The following STAT4 variants were observed in gnomAD, a reference collection of about 807,000 sequenced individuals.
STAT4 encodes the protein signal transducer and activator of transcription 4.
Under a neutral mutation model 110.5 loss-of-function variants are expected in STAT4, and 42 were observed. The observed-to-expected ratio is 0.38, with a 90% CI of 0.30 to 0.49. The LOEUF (loss-of-function observed/expected upper bound fraction) is 0.49. Ranked by LOEUF, STAT4 falls within the 20% of genes least tolerant of loss-of-function variation. STAT4 has a pLI of 0.95. For synonymous variants in STAT4, 284 were observed against 302.2 expected (o/e 0.94, Z 0.63); for missense variants, 632 against 887.9 (o/e 0.71, Z 3.66).
rs1356259133 is a variant in STAT4 at position 191,062,656 on chromosome 2, C to T, written c.941+106G>A. 22 of 1,239,986 alleles carry T rather than the reference C, an allele frequency of 1.8e-5. 1 individual carries two copies. The highest frequency in any genetic ancestry group is 2.0e-4 in the Middle Eastern group (1 of 5,092). The allele number at this position is 1,239,986 out of a possible 1,614,324, so 76.8% of individuals were successfully genotyped here. On this transcript the variant is annotated intron_variant, in intron 9 of 23. Coordinates refer to ENST00000392320, the MANE Select transcript of STAT4 (RefSeq NM_003151.4). This position sits in a 1 kb window ranked among gnomAD's most constrained non-coding sequence, Gnocchi z 4.9. ...GTTCTATTCACTTCTCCCTGAGGCT[C>T]GTTGTTGAATACTTCCCTGCCACTC...
In STAT4 at chr2:191,062,877, A is replaced by G. The variant is rs1331799170; in HGVS notation, c.826T>C (p.Leu276=). The G allele has an allele frequency of 1.2e-6, 2 of 1,613,938 alleles. No individual in the cohort carries two copies. The highest frequency in any genetic ancestry group is 2.2e-5 in the South Asian group (2 of 91,084). Residue 276 remains leucine, a synonymous_variant, in exon 9 of 24, where the codon TTG becomes CTG. Coordinates refer to ENST00000392320, the MANE Select transcript of STAT4 (RefSeq NM_003151.4). The surrounding 1 kb of genome is among the most constrained non-coding windows in gnomAD (Gnocchi z 4.9). ...GTAGATTGCTCCTCTAGTTTCTCCA[A>G]TTGCCTTCTCAGTTGGAAAAGACTT... ...AESLFQLRRQ[L]EKLEEQSTKM... is the part of the protein sequence containing the mutation.
At position 191,061,697 on chromosome 2, in the gene STAT4, C is replaced by T; in HGVS notation, c.1034+32G>A. On this transcript the variant is annotated intron_variant, in intron 10 of 23. Coordinates refer to ENST00000392320, the MANE Select transcript of STAT4 (RefSeq NM_003151.4). The surrounding 1 kb of genome is among the most constrained non-coding windows in gnomAD (Gnocchi z 6.2). ...CATCCAGAGACTATAGCTCCACAAA[C>T]ACACGAAATAGTAGAAAATGTTTTT... The T allele has an allele frequency of 6.3e-7, 1 of 1,593,538 alleles. No homozygotes were observed. Among genetic ancestry groups the T allele is most frequent in the South Asian group, 1.1e-5 (1 of 90,608 alleles).
Position 191,090,645 on chromosome 2 carries a change from C to G in STAT4, c.274-14320G>C, listed in dbSNP as rs1417590631. ...GCGCGATCTCCGCCCACTGCAACCT[C>G]TGCCTCCTGAGTTCATGCCATTCTC... On this transcript the variant is annotated intron_variant, in intron 3 of 23. Coordinates refer to ENST00000392320, the MANE Select transcript of STAT4 (RefSeq NM_003151.4). This position sits in a 1 kb window ranked among gnomAD's most constrained non-coding sequence, Gnocchi z 4.2. 6.6e-6 allele frequency among the ~76,000 whole-genome samples: 1 copy of G among 152,198 alleles called. No individual in the cohort carries two copies. Among genetic ancestry groups the G allele is most frequent in the Non-Finnish European group, 1.5e-5 (1 of 68,030 alleles).
intron 3 of STAT4, among the ~76,000 whole-genome samples, chr2:191,096,135 C>T (rs747326638): frequency 1.3e-5 from 2 of 152,104 alleles, no homozygotes; most frequent in Admixed American, 6.5e-5. Context: ...TAATAGCCTA[C>T]CAACCAAAAA....
At position 191,050,883 on chromosome 2, in the gene STAT4, C is replaced by G. The variant is rs1373160636; in HGVS notation, c.1251+3607G>C. Reference sequence around the variant, plus strand: ...CTCTTCTTGGGTAATCTCAAACAGTCACAGGGTGCTGCAAATCTAGGGAGG... The same window carrying G: ...CTCTTCTTGGGTAATCTCAAACAGTGACAGGGTGCTGCAAATCTAGGGAGG... On this transcript the variant is annotated intron_variant, in intron 14 of 23. Transcript: ENST00000392320. The surrounding 1 kb of genome is among the most constrained non-coding windows in gnomAD (Gnocchi z 4.3). Among the ~76,000 whole-genome samples, 1 of 152,214 alleles carries G rather than the reference C, an allele frequency of 6.6e-6. No homozygotes were observed. Among genetic ancestry groups the G allele is most frequent in the East Asian group, 1.9e-4 (1 of 5,200 alleles).
rs533308175 is a variant in STAT4 at position 191,046,104 on chromosome 2, A to G, written c.1252-4956T>C. Among the ~76,000 whole-genome samples, 40 of 152,324 alleles carry G rather than the reference A, an allele frequency of 2.6e-4. 2 individuals are homozygous for G. Among genetic ancestry groups the G allele is most frequent in the Admixed American group, 2.5e-3 (39 of 15,308 alleles). ...CTGAAGAATCTACAACTTCCACTTC[A>G]TGTTCACTAATGGGGGTGCCTTTCA... On this transcript the variant is annotated intron_variant, in intron 14 of 23. Coordinates refer to ENST00000392320, the MANE Select transcript of STAT4 (RefSeq NM_003151.4). This position sits in a 1 kb window ranked among gnomAD's most constrained non-coding sequence, Gnocchi z 4.6.
In STAT4 at chr2:191,147,876, T is replaced by C. The variant is rs1317579456; in HGVS notation, c.128+200A>G. Among the ~76,000 whole-genome samples the C allele has an allele frequency of 6.6e-6, 1 of 152,176 alleles. No homozygotes were observed. Among genetic ancestry groups the C allele is most frequent in the Non-Finnish European group, 1.5e-5 (1 of 68,008 alleles). ...ACAGAGAAAAGAAGCACTGGAACCATTAACTTTTCATTTACAATGAATGGA... is the reference window on the plus strand; with the variant it reads ...ACAGAGAAAAGAAGCACTGGAACCACTAACTTTTCATTTACAATGAATGGA... On this transcript the variant is annotated intron_variant, in intron 2 of 23. Coordinates refer to ENST00000392320, the MANE Select transcript of STAT4 (RefSeq NM_003151.4). The surrounding 1 kb of genome is among the most constrained non-coding windows in gnomAD (Gnocchi z 4.1).
chr2:191,061,602 TG>T lies in STAT4; in HGVS notation c.1034+126del. 1 of 879,500 alleles carries T rather than the reference TG, an allele frequency of 1.1e-6. No homozygotes were observed. Among genetic ancestry groups the T allele is most frequent in the Non-Finnish European group, 1.9e-6 (1 of 528,406 alleles). 54.5% of individuals were successfully genotyped at this position (879,500 alleles called of 1,614,324 possible). The stretch of plus-strand genomic sequence containing the variant: ...GTGGGTATTTCCCCAAGCTCAGAGC[TG>T]GGCACACAGCAGATGGTTCAATAAA... On this transcript the variant is annotated intron_variant, in intron 10 of 23. Coordinates refer to ENST00000392320, the MANE Select transcript of STAT4 (RefSeq NM_003151.4). This position sits in a 1 kb window ranked among gnomAD's most constrained non-coding sequence, Gnocchi z 6.2.
rs192916123 is a variant in STAT4, at chr2:191,140,781, C to T, written c.273+5832G>A. 1.9e-3 allele frequency among the ~76,000 whole-genome samples: 291 copies of T among 152,218 alleles called. 2 individuals are homozygous for T. The highest frequency in any genetic ancestry group is 3.4e-3 in the Middle Eastern group (1 of 294). On this transcript the variant is annotated intron_variant, in intron 3 of 23. Coordinates refer to ENST00000392320, the MANE Select transcript of STAT4 (RefSeq NM_003151.4). This position sits in a 1 kb window ranked among gnomAD's most constrained non-coding sequence, Gnocchi z 4.4. The stretch of plus-strand genomic sequence containing the variant: ...GAAATCATTATATAAAAAATACACA[C>T]GCACAACCATGTTTATAGCAGTACA...
chr2:191,116,527 TA>T lies in STAT4; in HGVS notation c.273+30085del, dbSNP rs1698577363. ...CAATAAGTTAAAAGGAATAACCTTA[TA>T]GATTTAGAATTTTTTTAAAAGCATA... is the stretch of plus-strand genomic sequence containing the variant. On this transcript the variant is annotated intron_variant, in intron 3 of 23. Transcript: ENST00000392320. The surrounding 1 kb of genome is among the most constrained non-coding windows in gnomAD (Gnocchi z 4.1). Among the ~76,000 whole-genome samples, 1 of 152,154 alleles carries T rather than the reference TA, an allele frequency of 6.6e-6. No homozygotes were observed. Among genetic ancestry groups the T allele is most frequent in the Non-Finnish European group, 1.5e-5 (1 of 68,028 alleles).
Position 191,057,078 on chromosome 2 carries a change from C to T in STAT4, c.1206+940G>A, listed in dbSNP as rs1042217040. The stretch of plus-strand genomic sequence containing the variant: ...GATTAGAGGCGTGAGCCACCGTGCC[C>T]GGCCCCTTCTACGCTACTGAATATC... On this transcript the variant is annotated intron_variant, in intron 13 of 23. Coordinates refer to ENST00000392320, the MANE Select transcript of STAT4 (RefSeq NM_003151.4). Among the ~76,000 whole-genome samples the T allele has an allele frequency of 1.2e-4, 19 of 152,134 alleles. No individual in the cohort carries two copies. In the South Asian group the frequency reaches 3.9e-3, roughly 31 times the overall value.
At position 191,077,229 on chromosome 2, in the gene STAT4, C is replaced by G. The variant is rs893396194; in HGVS notation, c.274-904G>C. 2.6e-5 allele frequency among the ~76,000 whole-genome samples: 4 copies of G among 152,168 alleles called. No individual in the cohort carries two copies. The highest frequency in any genetic ancestry group is 5.9e-5 in the Non-Finnish European group (4 of 68,032). On this transcript the variant is annotated intron_variant, in intron 3 of 23. Transcript: ENST00000392320. This position sits in a 1 kb window ranked among gnomAD's most constrained non-coding sequence, Gnocchi z 4.1. ...CAGTTACTTGGTGCAAATTAAAATA[C>G]TGGAATCCCTTTGGAGAAAGTATGT... is the stretch of plus-strand genomic sequence containing the variant.
intron 14 of STAT4, among the ~76,000 whole-genome samples, chr2:191,048,837 G>A (rs912257877): frequency 2.3e-5 from 3 of 129,408 alleles, no homozygotes; most frequent in African/African-American, 8.5e-5. Flanking sequence ...ATTAATGTTT[G>A]TATCAAAGCC....
intron 3 of STAT4, among the ~76,000 whole-genome samples, chr2:191,136,015 AAAAAAAAC>A (rs1699170919): frequency 7.8e-6 from 1 of 128,032 alleles, no homozygotes; most frequent in African/African-American, 2.7e-5. Flanking sequence ...GAAAAAAAAA[AAAAAAAAC>A]CAAAAAACAA....
chr2:191,095,586 C>T (rs1227391573), intron 3 of STAT4, among the ~76,000 whole-genome samples: 1 of 152,134 alleles, frequency 6.6e-6, no homozygotes, highest in Non-Finnish European at 1.5e-5. Context: ...ACACAACATA[C>T]CAGAATCTCT....
intron 3 of STAT4, among the ~76,000 whole-genome samples, chr2:191,129,578 G>C (rs1698975511): frequency 6.6e-6 from 1 of 152,080 alleles, no homozygotes; most frequent in African/African-American, 2.4e-5. Flanking sequence ...AATAGAAAAA[G>C]ACTTTAACAT....
chr2:191,070,927 G>A (rs1417589338), intron 5 of STAT4, among the ~76,000 whole-genome samples: 1 of 152,128 alleles, frequency 6.6e-6, no homozygotes, highest in African/African-American at 2.4e-5. Context: ...TAGTTCGACT[G>A]CTTAAAACAG....
At chr2:191,080,600 G>T (rs148075094) in intron 3 of STAT4, among the ~76,000 whole-genome samples, 11 of 152,136 alleles carry the variant, frequency 7.2e-5, no homozygotes, top group Non-Finnish European at 1.3e-4. Flanking sequence ...ATGGTTAAAT[G>T]GTTTGTTGAC....
rs1398317741 is a variant in STAT4 at position 191,147,761 on chromosome 2, T to C, written c.128+315A>G. 1.3e-5 allele frequency among the ~76,000 whole-genome samples: 2 copies of C among 152,164 alleles called. No individual in the cohort carries two copies. On this transcript the variant is annotated intron_variant, in intron 2 of 23. Coordinates refer to ENST00000392320, the MANE Select transcript of STAT4 (RefSeq NM_003151.4). The surrounding 1 kb of genome is among the most constrained non-coding windows in gnomAD (Gnocchi z 4.1). Reference sequence around the variant, plus strand: ...TATAAATCTTACTGAGAAAAAAATATTGATTTACATTGAGTCTGTGATAGA... The same window carrying C: ...TATAAATCTTACTGAGAAAAAAATACTGATTTACATTGAGTCTGTGATAGA...
Sources: gnomAD v4.1 joint callset for allele counts (sites outside exome capture counted in the v4.1 genomes callset) on GRCh38, gnomAD v4.1.1 for gene constraint, Gnocchi (gnomAD v3.1) non-coding constraint, MANE v1.5 for transcripts, NCBI Gene and HGNC (gene_info 2026-07-23, HGNC 2026-07-21) for gene names.